INSL6: variants seen among roughly 807,000 people sequenced by gnomAD.
INSL6 encodes the protein insulin-like peptide INSL6.
A neutral mutation model predicts 9.4 loss-of-function variants in INSL6; 16 were observed. That is an observed-to-expected ratio of 1.70 (90% confidence interval 1.15 to 2.59). The LOEUF (loss-of-function observed/expected upper bound fraction) is 2.59, where lower values mean the gene tolerates loss of function less well. Among genes scored for constraint, INSL6 ranks in the 30% most tolerant of loss-of-function variants. The probability of loss-of-function intolerance (pLI) is 0.00; values close to 1 mark genes in which losing one functional copy is unlikely to be tolerated. For missense variants in INSL6, 391 were observed against 257.3 expected, an observed-to-expected ratio of 1.52 and a Z score of -3.56; for synonymous variants, 154 against 96.9, an observed-to-expected ratio of 1.59 and a Z score of -3.46.
chr9:5,081,573 G>C, the INSL6 span: 2 of 577,432 alleles, frequency 3.5e-6, no homozygotes, highest in South Asian at 5.0e-5. Flanking sequence ...ATGATTAAAG[G>C]CTCCCATTAA....
chr9:5,005,906 A>G, the INSL6 span, among the ~76,000 whole-genome samples: 609 of 152,224 alleles, frequency 4.0e-3, 4 homozygotes, highest in African/African-American at 0.014. Context: ...GCCTTGTAGT[A>G]TAGTTTGAAG....
intron 3 of INSL6, among the ~76,000 whole-genome samples, chr9:5,125,599 C>A (rs1823932304): frequency 6.6e-6 from 1 of 151,294 alleles, no homozygotes; most frequent in Admixed American, 6.6e-5. Context: ...AAAAGCTGTG[C>A]CAAATTATAT....
the INSL6 span, among the ~76,000 whole-genome samples, chr9:5,030,475 C>G: frequency 6.6e-6 from 1 of 151,998 alleles, no homozygotes; most frequent in African/African-American, 2.4e-5. Flanking sequence ...TTTTTCTAAG[C>G]ATTTATATAC....
chr9:5,072,921 T>C, the INSL6 span, among the ~76,000 whole-genome samples: 1 of 151,968 alleles, frequency 6.6e-6, no homozygotes, highest in Non-Finnish European at 1.5e-5. Flanking sequence ...CTTTATGGGT[T>C]ACACAGAGGC....
chr9:5,103,114 T>C, the INSL6 span, among the ~76,000 whole-genome samples: 2 of 148,198 alleles, frequency 1.3e-5, no homozygotes, highest in South Asian at 2.1e-4. Context: ...TGGATAAAGA[T>C]TGAAGACCCA....
At chr9:5,137,763 C>T (rs1271535403) in intron 2 of INSL6, among the ~76,000 whole-genome samples, 1 of 152,116 alleles carries the variant, frequency 6.6e-6, no homozygotes, top group Non-Finnish European at 1.5e-5. Flanking sequence ...TAAAGAGCTT[C>T]TGTACAGCAA....
the INSL6 span, among the ~76,000 whole-genome samples, chr9:5,106,837 G>C: frequency 6.6e-6 from 1 of 152,100 alleles, no homozygotes. Flanking sequence ...CTCATAGGTG[G>C]GAGTTGAACA....
chr9:5,032,888 C>T, the INSL6 span, among the ~76,000 whole-genome samples: 4 of 152,126 alleles, frequency 2.6e-5, no homozygotes, highest in Non-Finnish European at 4.4e-5. Context: ...GGAACAAAGC[C>T]GGATGGAGAA....
At chr9:5,012,139 C>T in the INSL6 span, among the ~76,000 whole-genome samples, 39 of 152,280 alleles carry the variant, frequency 2.6e-4, no homozygotes, top group Admixed American at 1.2e-3. Context: ...CAGCTCCAAA[C>T]TTCATTCTCT....
At chr9:5,022,935 A>G in the INSL6 span, among the ~76,000 whole-genome samples, 1 of 152,250 alleles carries the variant, frequency 6.6e-6, no homozygotes, top group Non-Finnish European at 1.5e-5. Flanking sequence ...ATAAGAATGT[A>G]TGATTACATC....
chr9:5,145,403 T>C (rs1050912026), intron 2 of INSL6, among the ~76,000 whole-genome samples: 2 of 152,200 alleles, frequency 1.3e-5, no homozygotes, highest in African/African-American at 4.8e-5. Flanking sequence ...TTCCTTCATT[T>C]TGACCTTGGA....
chr9:5,040,879 C>T, the INSL6 span: 14 of 279,434 alleles, frequency 5.0e-5, no homozygotes, highest in African/African-American at 3.0e-4. Context: ...CGCGGATCCG[C>T]GCCGCGCTGC....
chr9:5,055,681 T>C, the INSL6 span: 19 of 1,574,384 alleles, frequency 1.2e-5, no homozygotes, highest in Admixed American at 1.7e-5. Flanking sequence ...TTTACAGTTA[T>C]ATTGCGATTT....
the INSL6 span, among the ~76,000 whole-genome samples, chr9:5,005,112 T>TAGG: frequency 1.1e-5 from 1 of 87,546 alleles, no homozygotes; most frequent in Non-Finnish European, 2.4e-5. Flanking sequence ...TTTTTTTTTT[T>TAGG]TTTTTTTTTT....
At chr9:5,035,909 G>A in the INSL6 span, among the ~76,000 whole-genome samples, 1 of 152,192 alleles carries the variant, frequency 6.6e-6, no homozygotes. Context: ...GGAAATAAAG[G>A]TTATTTGATT....
chr9:5,020,884 C>A, the INSL6 span, among the ~76,000 whole-genome samples: 1 of 152,074 alleles, frequency 6.6e-6, no homozygotes, highest in East Asian at 1.9e-4. Context: ...AGGAGGCATT[C>A]TGGTGTGGGT....
the INSL6 span, among the ~76,000 whole-genome samples, chr9:5,037,689 C>G: frequency 5.3e-5 from 8 of 152,246 alleles, no homozygotes; most frequent in Middle Eastern, 6.8e-3. Context: ...TGGAACATCA[C>G]ATACCGGGGC....
chr9:5,092,288 C>T, the INSL6 span, among the ~76,000 whole-genome samples: 3 of 152,130 alleles, frequency 2.0e-5, no homozygotes, highest in East Asian at 5.8e-4. Context: ...GAAGCACGCA[C>T]ACACTGCCTG....
intron 3 of INSL6, chr9:5,128,072 G>A (rs2130870891): frequency 4.8e-6 from 1 of 207,428 alleles, no homozygotes; most frequent in Middle Eastern, 1.3e-3. Context: ...AATAAAATAT[G>A]GTGGGTTTTG....
Sources: allele counts gnomAD v4.1 joint callset (sites outside exome capture counted in the v4.1 genomes callset), GRCh38; gene constraint gnomAD v4.1.1; transcripts MANE v1.5; gene names NCBI Gene and HGNC (gene_info 2026-07-23, HGNC 2026-07-21).